PIP5K1C: variants seen among roughly 807,000 people sequenced by gnomAD.
PIP5K1C encodes phosphatidylinositol-4-phosphate 5-kinase type 1 gamma.
In PIP5K1C, 45 loss-of-function variants were observed where a neutral mutation model predicts 80.1. The ratio of observed to expected loss-of-function variants is 0.56; its 90% CI spans 0.44 to 0.72. The LOEUF is 0.72. PIP5K1C is among the 30% of genes least tolerant of loss of function. PIP5K1C has a pLI of 0.00. For missense variants in PIP5K1C, 753 were observed against 954.6 expected (o/e 0.79, Z 2.78); for synonymous variants, 498 against 420.1 (o/e 1.19, Z -2.27).
At chr19:3,645,367 G>A (rs1299264561) in intron 11 of PIP5K1C, among the ~76,000 whole-genome samples, 1 of 152,228 alleles carries the variant, frequency 6.6e-6, no homozygotes, top group East Asian at 1.9e-4. Context: ...GCTGAGGTCT[G>A]CACAGGGGCC....
rs764746814 is a variant in PIP5K1C, at chr19:3,648,744, G to A, written c.1128-36C>T. On this transcript the variant is annotated intron_variant, in intron 8 of 17. Coordinates refer to ENST00000335312, the MANE Select transcript of PIP5K1C (RefSeq NM_012398.3). This position sits in a 1 kb window ranked among gnomAD's most constrained non-coding sequence, Gnocchi z 4.3. Reference sequence around the variant, plus strand: ...AGGCCGAGGGTACCATCAGCATCCCGCAGAGCTGGGACTCGGGGCAGGCGG... The same window carrying A: ...AGGCCGAGGGTACCATCAGCATCCCACAGAGCTGGGACTCGGGGCAGGCGG... 4.0e-5 allele frequency: 63 copies of A among 1,575,284 alleles called. No individual in the cohort carries two copies. The highest frequency in any genetic ancestry group is 4.3e-5 in the Non-Finnish European group (49 of 1,145,972).
In PIP5K1C at chr19:3,648,753, G is replaced by C; in HGVS notation, c.1128-45C>G. The stretch of plus-strand genomic sequence containing the variant: ...GTACCATCAGCATCCCGCAGAGCTG[G>C]GACTCGGGGCAGGCGGGGCTGGGGA... On this transcript the variant is annotated intron_variant, in intron 8 of 17. Transcript: ENST00000335312. This position sits in a 1 kb window ranked among gnomAD's most constrained non-coding sequence, Gnocchi z 4.3. 6.4e-7 allele frequency: 1 copy of C among 1,556,432 alleles called. No homozygotes were observed. Among genetic ancestry groups the C allele is most frequent in the East Asian group, 2.2e-5 (1 of 44,592 alleles).
At chr19:3,633,200 G>A in intron 17 of PIP5K1C, 31 bp from the exon 18 acceptor site, 1 of 758,242 alleles carries the variant, frequency 1.3e-6, no homozygotes, top group South Asian at 1.4e-5. Context: ...GTGAAGGTGG[G>A]CGGGGCGAGG....
intron 4 of PIP5K1C, 32 bp downstream of exon 4, chr19:3,661,839 G>A (rs2034841799): frequency 4.4e-6 from 7 of 1,608,258 alleles, no homozygotes; most frequent in Non-Finnish European, 5.1e-6. Context: ...TGTGTGCTGG[G>A]TGAGCCCTGA....
At chr19:3,656,110 G>A (rs1389340933) in intron 6 of PIP5K1C, among the ~76,000 whole-genome samples, 1 of 152,214 alleles carries the variant, frequency 6.6e-6, no homozygotes, top group Middle Eastern at 3.2e-3. Flanking sequence ...ACGGCTCATA[G>A]GGGGTGTTGG....
chr19:3,664,812 G>C lies in PIP5K1C; in HGVS notation c.219+10C>G. The C allele has an allele frequency of 6.2e-7, 1 of 1,609,514 alleles. No homozygotes were observed. ...CGCTCCCTCCAGCCAGCTAAGGGGA[G>C]CCGAGGAACCTTCTTGTAGGTGGTT... On this transcript the variant is annotated intron_variant, in intron 3 of 17. Transcript: ENST00000335312.
chr19:3,636,859 G>A, intron 16 of PIP5K1C: 1 of 993,576 alleles, frequency 1.0e-6, no homozygotes. Context: ...GGCTCTCTGG[G>A]CCCCTTGCTT....
At chr19:3,682,122 C>T (rs1171787571) in intron 1 of PIP5K1C, among the ~76,000 whole-genome samples, 1 of 151,998 alleles carries the variant, frequency 6.6e-6, no homozygotes, top group Non-Finnish European at 1.5e-5. Context: ...TCTTATAAAC[C>T]CAGCACTTTG....
At chr19:3,659,076 C>G (rs908392640) in intron 5 of PIP5K1C, among the ~76,000 whole-genome samples, 2 of 152,190 alleles carry the variant, frequency 1.3e-5, no homozygotes, top group Non-Finnish European at 2.9e-5. Context: ...GGAGCTACCC[C>G]CCTTACCAGG....
chr19:3,669,048 G>A (rs1379407252), intron 1 of PIP5K1C, among the ~76,000 whole-genome samples: 1 of 152,182 alleles, frequency 6.6e-6, no homozygotes, highest in African/African-American at 2.4e-5. Context: ...AGGGGCTGTG[G>A]GTCAGGGCTG....
Position 3,652,069 on chromosome 19 carries a change from C to T in PIP5K1C, c.922-38G>A, listed in dbSNP as rs370542446. On this transcript the variant is annotated intron_variant, in intron 7 of 17. Transcript: ENST00000335312. ...GGCAGGAACACGCCACGCCGTCAGC[C>T]GTCTCTATCCCCCACAACGGCTCCC... is the stretch of plus-strand genomic sequence containing the variant. 58 of 1,599,886 alleles carry T rather than the reference C, an allele frequency of 3.6e-5. No homozygotes were observed. The South Asian group carries it at 5.5e-4, about 15-fold the overall frequency.
At chr19:3,684,514 T>C (rs2035690768) in intron 1 of PIP5K1C, among the ~76,000 whole-genome samples, 2 of 152,174 alleles carry the variant, frequency 1.3e-5, no homozygotes, top group Admixed American at 6.5e-5. Flanking sequence ...GGGGCCAGGC[T>C]GGAGGGTGGC....
intron 1 of PIP5K1C, among the ~76,000 whole-genome samples, chr19:3,680,975 G>A (rs2035572065): frequency 6.6e-6 from 1 of 152,174 alleles, no homozygotes. Context: ...GCAGTGCCCA[G>A]GATGGCCCTA....
chr19:3,683,258 C>T (rs1214857581), intron 1 of PIP5K1C, among the ~76,000 whole-genome samples: 5 of 152,200 alleles, frequency 3.3e-5, no homozygotes, highest in Admixed American at 6.5e-5. Context: ...GAGCCTGGCA[C>T]GTGGGTAAGG....
chr19:3,674,822 CAGG>C (rs1373789694), intron 1 of PIP5K1C, among the ~76,000 whole-genome samples: 1 of 152,198 alleles, frequency 6.6e-6, no homozygotes, highest in Non-Finnish European at 1.5e-5. Flanking sequence ...TTCTTTGGAA[CAGG>C]AGGAGTTACA....
intron 1 of PIP5K1C, among the ~76,000 whole-genome samples, chr19:3,678,596 A>T (rs2035485025): frequency 2.3e-5 from 2 of 85,362 alleles, no homozygotes; most frequent in Non-Finnish European, 2.3e-5. Flanking sequence ...AAAGGGATGG[A>T]GGGATGGAGG....
Position 3,680,281 on chromosome 19 carries a change from C to T in PIP5K1C, c.95-12928G>A, listed in dbSNP as rs146160702. On this transcript the variant is annotated intron_variant, in intron 1 of 17. Transcript: ENST00000335312. ...GGGGATGACACACCACTGAGGCGGC[C>T]GGCTCTCTGTCTAAATGCAACTGTC... is the stretch of plus-strand genomic sequence containing the variant. 9.7e-3 allele frequency among the ~76,000 whole-genome samples: 1,471 copies of T among 152,240 alleles called. 27 individuals carry two copies. Among genetic ancestry groups the T allele is most frequent in the African/African-American group, 0.034 (1,395 of 41,534 alleles).
At chr19:3,635,067 C>G (rs2033624633) in intron 16 of PIP5K1C, among the ~76,000 whole-genome samples, 1 of 152,350 alleles carries the variant, frequency 6.6e-6, no homozygotes, top group Middle Eastern at 3.4e-3. Flanking sequence ...GGTGGCTGCA[C>G]TGATGGATCC....
intron 3 of PIP5K1C, among the ~76,000 whole-genome samples, 161 bp downstream of exon 3, chr19:3,664,661 G>A (rs1043982013): frequency 6.6e-6 from 1 of 152,244 alleles, no homozygotes; most frequent in African/African-American, 2.4e-5. Context: ...CCTCATGCAG[G>A]ACTGAGGACT....
Sources: gnomAD v4.1 joint callset for allele counts (sites outside exome capture counted in the v4.1 genomes callset) on GRCh38, gnomAD v4.1.1 for gene constraint, Gnocchi (gnomAD v3.1) non-coding constraint, MANE v1.5 for transcripts, NCBI Gene and HGNC (gene_info 2026-07-23, HGNC 2026-07-21) for gene names.